SPTB: variants seen among roughly 807,000 people sequenced by gnomAD.
The protein encoded by SPTB is spectrin beta, erythrocytic.
In SPTB, 45 loss-of-function variants were observed where a neutral mutation model predicts 256.2. The observed-to-expected ratio is 0.18, with a 90% confidence interval of 0.14 to 0.23. SPTB has a LOEUF of 0.23. SPTB is among the 10% of genes least tolerant of loss of function. The pLI is 1.00. For synonymous variants in SPTB, 1,231 were observed against 1,243.1 expected, an observed-to-expected ratio of 0.99 and a Z score of 0.21; for missense variants, 2,715 against 3,040.4, an observed-to-expected ratio of 0.89 and a Z score of 2.52.
Position 64,760,240 on chromosome 14 carries a change from G to A in SPTB, c.6346-6447C>T, listed in dbSNP as rs760729712. On this transcript the variant is annotated intron_variant, in intron 32 of 35. Coordinates refer to ENST00000644917, the MANE Select transcript of SPTB (RefSeq NM_001355436.2). The surrounding 1 kb of genome is among the most constrained non-coding windows in gnomAD (Gnocchi z 4.3). ...CCTTGCTAGGAAACTGGCTTGGGTG[G>A]GGGAGGCAGGGGTTGGGGTCTTCAC... Among the ~76,000 whole-genome samples the A allele has an allele frequency of 1.3e-4, 20 of 152,132 alleles. No homozygotes were observed. Among genetic ancestry groups the A allele is most frequent in the Non-Finnish European group, 2.6e-4 (18 of 68,024 alleles).
chr14:64,809,720 G>A (rs1201529742), intron 2 of SPTB, among the ~76,000 whole-genome samples: 1 of 152,160 alleles, frequency 6.6e-6, no homozygotes, highest in Non-Finnish European at 1.5e-5. Context: ...TGAAGGTGTG[G>A]CAGGGTCATT....
rs2082910181 is a variant in SPTB, at chr14:64,802,717, C to G, written c.475-400G>C. Among the ~76,000 whole-genome samples the G allele has an allele frequency of 6.6e-6, 1 of 152,176 alleles. No individual in the cohort carries two copies. The highest frequency in any genetic ancestry group is 6.5e-5 in the Admixed American group (1 of 15,276). On this transcript the variant is annotated intron_variant, in intron 4 of 35. Coordinates refer to ENST00000644917, the MANE Select transcript of SPTB (RefSeq NM_001355436.2). This position sits in a 1 kb window ranked among gnomAD's most constrained non-coding sequence, Gnocchi z 5.1. ...CAAATTTCTTGCCCTCAAGGAGTAGCCGCCAGCCCCGCAGCAACACCACAT... is the reference window on the plus strand; with the variant it reads ...CAAATTTCTTGCCCTCAAGGAGTAGGCGCCAGCCCCGCAGCAACACCACAT...
rs774744443 is a variant in SPTB at position 64,823,120 on chromosome 14, C to T, written c.-26G>A. The T allele has an allele frequency of 2.5e-6, 4 of 1,614,074 alleles. No individual in the cohort carries two copies. The highest frequency in any genetic ancestry group is 2.2e-5 in the South Asian group (2 of 91,072). ...GTCAGCAGGCTCTTAGCAGCTCCGC[C>T]TGCCTCAGTCTTCATGGAAGGATCC... On this transcript the variant is annotated 5_prime_UTR_variant, in exon 2 of 36. Coordinates refer to ENST00000644917, the MANE Select transcript of SPTB (RefSeq NM_001355436.2). This position sits in a 1 kb window ranked among gnomAD's most constrained non-coding sequence, Gnocchi z 6.5.
intron 1 of SPTB, among the ~76,000 whole-genome samples, chr14:64,856,357 G>T (rs2083872390): frequency 1.3e-5 from 2 of 152,144 alleles, no homozygotes; most frequent in South Asian, 4.1e-4. Context: ...CTTCTGTAGG[G>T]AGAGAGGAGC....
At position 64,775,371 on chromosome 14, in the gene SPTB, C is replaced by T. The variant is rs201438257; in HGVS notation, c.4596G>A (p.Pro1532=). ...CTCTCTGCAGCACATCCTCAACCCG[C>T]GGCGTATGGCCCAGAATCTCATTCT... The part of the protein sequence containing the change: ...TLQNEILGHT[P]RVEDVLQRGQ... The change falls in exon 23 of 36, where the codon CCG becomes CCA. Residue 1532 remains proline (P), a synonymous_variant. Coordinates refer to ENST00000644917, the MANE Select transcript of SPTB (RefSeq NM_001355436.2). This position sits in a 1 kb window ranked among gnomAD's most constrained non-coding sequence, Gnocchi z 5.0. 49 of 1,613,054 alleles carry T rather than the reference C, an allele frequency of 3.0e-5. No homozygotes were observed. The highest frequency in any genetic ancestry group is 2.5e-4 in the East Asian group (11 of 44,866).
At position 64,853,883 on chromosome 14, in the gene SPTB, T is replaced by TA. The variant is rs1483266548; in HGVS notation, c.-52+25908dup. On this transcript the variant is annotated intron_variant, in intron 1 of 35. Transcript: ENST00000644917. This position sits in a 1 kb window ranked among gnomAD's most constrained non-coding sequence, Gnocchi z 4.3. ...TTGGTATGACTCAAGAGACATTTATTAAAAATTTTTTTAGATACTTATCAC... is the reference window on the plus strand; with the variant it reads ...TTGGTATGACTCAAGAGACATTTATTAAAAAATTTTTTTAGATACTTATCAC... Among the ~76,000 whole-genome samples, 1 of 152,052 alleles carries TA rather than the reference T, an allele frequency of 6.6e-6. No individual in the cohort carries two copies. The highest frequency in any genetic ancestry group is 2.4e-5 in the African/African-American group (1 of 41,316).
chr14:64,794,741 A>T, intron 12 of SPTB, 124 bp from the exon 13 acceptor site: 1 of 1,263,690 alleles, frequency 7.9e-7, no homozygotes, highest in Non-Finnish European at 1.1e-6. Flanking sequence ...ATGCAGCCAG[A>T]AAAGGGCTGC....
chr14:64,755,963 A>C (rs2082011550), intron 32 of SPTB: 1 of 152,260 alleles, frequency 6.6e-6, no homozygotes, highest in Non-Finnish European at 1.5e-5. Flanking sequence ...CCGCCCCTGC[A>C]GGTTCATCAG....
In SPTB at chr14:64,775,533, G is replaced by T; in HGVS notation, c.4564-130C>A. The T allele has an allele frequency of 8.0e-7, 1 of 1,256,522 alleles. No homozygotes were observed. The allele number at this position is 1,256,522 out of a possible 1,614,324, so 77.8% of individuals were successfully genotyped here. A position where few individuals can be genotyped will look rare whatever the true frequency, so the allele number is the denominator to read the frequency against. On this transcript the variant is annotated intron_variant, in intron 22 of 35. Transcript: ENST00000644917. This position sits in a 1 kb window ranked among gnomAD's most constrained non-coding sequence, Gnocchi z 5.0. The stretch of plus-strand genomic sequence containing the variant: ...CGTTGCTAGAGCAGAGCAGGTGATG[G>T]CGATAAGAACTACCAATGACCTCTT...
rs200978337 is a variant in SPTB, at chr14:64,803,555, C to G, written c.474+52G>C. ...TCAGCATTTTATAAGATTCTAAGGC[C>G]CTGGGCAGCCTTGAGGGCTCCCTCG... On this transcript the variant is annotated intron_variant, in intron 4 of 35. Transcript: ENST00000644917. 2,210 of 1,609,632 alleles carry G rather than the reference C, an allele frequency of 1.4e-3. 8 individuals carry two copies. Among genetic ancestry groups the G allele is most frequent in the Middle Eastern group, 5.3e-3 (27 of 5,122 alleles).
intron 2 of SPTB, among the ~76,000 whole-genome samples, chr14:64,815,560 T>G (rs1227949669): frequency 6.6e-6 from 1 of 152,164 alleles, no homozygotes; most frequent in East Asian, 1.9e-4. Flanking sequence ...TCAGGCATTG[T>G]TGTCTTGCAT....
chr14:64,770,919 T>C lies in SPTB; in HGVS notation c.5764A>G (p.Ile1922Val), dbSNP rs1420592937. Reference protein sequence around the residue: ...ARDLLSWMESIIRQIETQERP... With the variant: ...ARDLLSWMESVIRQIETQERP... Reference sequence around the variant, plus strand: ...TCCTGGGTCTCGATCTGCCGGATGATGCTCTCCATCCAGGAGAGGAGGTCA... The same window carrying C: ...TCCTGGGTCTCGATCTGCCGGATGACGCTCTCCATCCAGGAGAGGAGGTCA... Residue 1922 changes from isoleucine to valine, a missense_variant, in exon 27 of 36, where the codon ATC (isoleucine) becomes GTC (valine). Coordinates refer to ENST00000644917, the MANE Select transcript of SPTB (RefSeq NM_001355436.2). The C allele has an allele frequency of 1.2e-6, 2 of 1,614,108 alleles. No individual in the cohort carries two copies. Among genetic ancestry groups the C allele is most frequent in the Non-Finnish European group, 1.7e-6 (2 of 1,180,034 alleles).
chr14:64,748,126 T>G lies in SPTB; in HGVS notation c.*1180A>C, dbSNP rs1197467425. ...CCTTCATGGCTCTGGCCCTGACATT[T>G]GTCCCAGTTGTGCAGGAGTAGCTGT... On this transcript the variant is annotated 3_prime_UTR_variant, in exon 36 of 36. Coordinates refer to ENST00000644917, the MANE Select transcript of SPTB (RefSeq NM_001355436.2). The G allele has an allele frequency of 6.6e-6, 1 of 152,132 alleles. No individual in the cohort carries two copies. Among genetic ancestry groups the G allele is most frequent in the Non-Finnish European group, 1.5e-5 (1 of 68,036 alleles). 9.4% of individuals were successfully genotyped at this position (152,132 alleles called of 1,614,324 possible). A position where few individuals can be genotyped will look rare whatever the true frequency, so the allele number is the denominator to read the frequency against.
At chr14:64,846,944 G>C (rs1405831559) in intron 1 of SPTB, among the ~76,000 whole-genome samples, 1 of 152,154 alleles carries the variant, frequency 6.6e-6, no homozygotes, top group Non-Finnish European at 1.5e-5. Context: ...TGTGGGAAGG[G>C]AAGGTACCAG....
chr14:64,799,569 G>A (rs1388763620), intron 9 of SPTB, among the ~76,000 whole-genome samples, 178 bp downstream of exon 9: 2 of 152,250 alleles, frequency 1.3e-5, no homozygotes, highest in Non-Finnish European at 2.9e-5. Context: ...TCTCTAAGCT[G>A]ATGGCTTGGG....
chr14:64,814,939 T>C (rs1446618789), intron 2 of SPTB, among the ~76,000 whole-genome samples: 1 of 152,194 alleles, frequency 6.6e-6, no homozygotes, highest in Non-Finnish European at 1.5e-5. Flanking sequence ...AGTTTGAAGA[T>C]GATAATGGTT....
chr14:64,778,866 G>C lies in SPTB; in HGVS notation c.4563+291C>G, dbSNP rs935047677. On this transcript the variant is annotated intron_variant, in intron 22 of 35. Transcript: ENST00000644917. This position sits in a 1 kb window ranked among gnomAD's most constrained non-coding sequence, Gnocchi z 5.2. Reference sequence around the variant, plus strand: ...AGCTACTGAAGCACATCAACCTCCAGGCCAGGCCCCCGAGATCCTGCATTC... The same window carrying C: ...AGCTACTGAAGCACATCAACCTCCACGCCAGGCCCCCGAGATCCTGCATTC... Among the ~76,000 whole-genome samples, 1 of 152,036 alleles carries C rather than the reference G, an allele frequency of 6.6e-6. No homozygotes were observed. The highest frequency in any genetic ancestry group is 1.5e-5 in the Non-Finnish European group (1 of 68,006).
Position 64,750,088 on chromosome 14 carries a change from G to A in SPTB, c.6669C>T (p.Asn2223=), listed in dbSNP as rs754553428. Residue 2223 remains asparagine, a synonymous_variant, in exon 34 of 36, where the codon AAC becomes AAT. Transcript: ENST00000644917. ...SELTFYKDAK[N]LALGMPYHGE... is the part of the protein sequence containing the mutation. ...CATGGTAGGGCATCCCCAGGGCCAG[G>A]TTCTTGGCATCCTTGTAGAAGGTTA... The A allele has an allele frequency of 6.2e-7, 1 of 1,614,210 alleles. No homozygotes were observed. The highest frequency in any genetic ancestry group is 1.1e-5 in the South Asian group (1 of 91,090).
rs567906349 is a variant in SPTB at position 64,753,481 on chromosome 14, G to C, written c.6602+56C>G. 51 of 1,610,790 alleles carry C rather than the reference G, an allele frequency of 3.2e-5. 1 individual carries two copies. The East Asian group carries it at 1.1e-3, about 34-fold the overall frequency. On this transcript the variant is annotated intron_variant, in intron 33 of 35. Coordinates refer to ENST00000644917, the MANE Select transcript of SPTB (RefSeq NM_001355436.2). Reference sequence around the variant, plus strand: ...ATGTCACCAAGGCTCTGCTAGCAGAGAGATCCCTGAGAGCTGCCCAACCTA... The same window carrying C: ...ATGTCACCAAGGCTCTGCTAGCAGACAGATCCCTGAGAGCTGCCCAACCTA...
Sources: gnomAD v4.1 joint callset for allele counts (sites outside exome capture counted in the v4.1 genomes callset) on GRCh38, gnomAD v4.1.1 for gene constraint, Gnocchi (gnomAD v3.1) non-coding constraint, MANE v1.5 for transcripts, NCBI Gene and HGNC (gene_info 2026-07-23, HGNC 2026-07-21) for gene names.